Variants in ANKMY1 observed in about 807,000 individuals in gnomAD.
ANKMY1 encodes ankyrin repeat and MYND domain-containing protein 1.
Under a neutral mutation model 102.0 loss-of-function variants are expected in ANKMY1, and 98 were observed. That is an observed-to-expected ratio of 0.96 (90% confidence interval 0.82 to 1.14). ANKMY1 has a LOEUF of 1.14. Ranked by LOEUF, ANKMY1 falls within the 50% of genes most tolerant of loss-of-function variation. The pLI is 0.00. For missense variants in ANKMY1, 1,330 were observed against 1,347.6 expected (o/e 0.99, Z 0.20); for synonymous variants, 582 against 559.9 (o/e 1.04, Z -0.56).
chr2:240,501,470 G>A (rs1574981208), intron 13 of ANKMY1, among the ~76,000 whole-genome samples: 1 of 152,166 alleles, frequency 6.6e-6, no homozygotes, highest in Admixed American at 6.5e-5. Flanking sequence ...CAGGGGGCCT[G>A]GCAGGCTCAG....
chr2:240,527,130 G>A (rs1022200962), intron 5 of ANKMY1: 4 of 420,114 alleles, frequency 9.5e-6, no homozygotes, highest in African/African-American at 2.2e-5. Flanking sequence ...ATGGATGGAT[G>A]GGTGGGTGGA....
chr2:240,535,187 TTA>T (rs1360512466), intron 4 of ANKMY1, among the ~76,000 whole-genome samples: 1 of 152,232 alleles, frequency 6.6e-6, no homozygotes, highest in Admixed American at 6.5e-5. Context: ...CAGCTTGGTT[TTA>T]TATGTTTTAG....
chr2:240,494,183 G>A lies in ANKMY1; in HGVS notation c.2806+5775C>T, dbSNP rs138177316. On this transcript the variant is annotated intron_variant, in intron 15 of 17. Transcript: ENST00000401804. ...GGCACCAGCTGTTGTGAGTGGGCAT[G>A]GAGTGATCTTCAGGCAGGTGGAGTG... Among the ~76,000 whole-genome samples the A allele has an allele frequency of 1.3e-4, 20 of 152,258 alleles. 1 individual carries two copies. The East Asian group carries it at 1.4e-3, about 10-fold the overall frequency.
At chr2:240,558,036 C>A, upstream of ANKMY1, 1 of 949,028 alleles carries the variant, frequency 1.1e-6, no homozygotes, top group Non-Finnish European at 1.3e-6. Flanking sequence ...ATGCCCGCTG[C>A]CACTCTCCGG....
chr2:240,512,978 A>G (rs752623096), intron 9 of ANKMY1, 36 bp from the exon 10 acceptor site: 1 of 1,599,302 alleles, frequency 6.3e-7, no homozygotes, highest in Non-Finnish European at 8.5e-7. Context: ...AGTGAGGCAC[A>G]TTCTCGTAGG....
downstream of ANKMY1, among the ~76,000 whole-genome samples, chr2:240,477,055 A>G (rs76437173): frequency 3.3e-5 from 5 of 152,344 alleles, no homozygotes; most frequent in East Asian, 9.7e-4. Flanking sequence ...GCAGTGGCTC[A>G]CGCCTGTAAT....
intron 4 of ANKMY1, among the ~76,000 whole-genome samples, chr2:240,542,498 C>T (rs1159810535): frequency 2.0e-5 from 3 of 149,662 alleles, no homozygotes; most frequent in South Asian, 4.2e-4. Flanking sequence ...ACCGAGACTC[C>T]GTCTCAAAAA....
At chr2:240,524,516 G>T in intron 7 of ANKMY1, 135 bp from the exon 8 acceptor site, 1 of 998,108 alleles carries the variant, frequency 1.0e-6, no homozygotes, top group Non-Finnish European at 1.4e-6. Flanking sequence ...GACCAGGGCA[G>T]CTTTCCCCAA....
chr2:240,478,294 A>G (rs2074994935), downstream of ANKMY1, among the ~76,000 whole-genome samples: 1 of 152,224 alleles, frequency 6.6e-6, no homozygotes, highest in South Asian at 2.1e-4. Flanking sequence ...ATGGACTAAT[A>G]CAGTGCGGAT....
intron 15 of ANKMY1, among the ~76,000 whole-genome samples, chr2:240,483,121 G>C (rs1030036821): frequency 4.0e-5 from 6 of 151,512 alleles, no homozygotes; most frequent in African/African-American, 1.5e-4. Context: ...TCCCATGTTA[G>C]TTTTTCATCC....
intron 4 of ANKMY1, among the ~76,000 whole-genome samples, chr2:240,541,777 C>T (rs753414080): frequency 4.0e-5 from 6 of 151,770 alleles, no homozygotes; most frequent in Admixed American, 2.0e-4. Context: ...ACTGGGATTA[C>T]AGGCGTGAGC....
chr2:240,473,663 T>C, the ANKMY1 span, among the ~76,000 whole-genome samples: 1 of 152,160 alleles, frequency 6.6e-6, no homozygotes, highest in South Asian at 2.1e-4. Context: ...GGGGTAGATA[T>C]GGACAGATTC....
At chr2:240,552,752 A>G in intron 4 of ANKMY1, 162 bp downstream of exon 4, 2 of 1,109,254 alleles carry the variant, frequency 1.8e-6, no homozygotes, top group Non-Finnish European at 2.5e-6. Flanking sequence ...TTTTATTTTC[A>G]GTCTATATCC....
intron 13 of ANKMY1, among the ~76,000 whole-genome samples, chr2:240,505,634 C>T (rs539354974): frequency 6.6e-6 from 1 of 152,142 alleles, no homozygotes; most frequent in East Asian, 1.9e-4. Flanking sequence ...GAGTTGGGGG[C>T]ATGGTCAGGT....
At chr2:240,517,323 G>C (rs991279196) in intron 9 of ANKMY1, among the ~76,000 whole-genome samples, 2 of 152,188 alleles carry the variant, frequency 1.3e-5, no homozygotes, top group African/African-American at 2.4e-5. Flanking sequence ...TGTGGTAAGT[G>C]GACCGTGTCA....
rs751501149 is a variant in ANKMY1, at chr2:240,524,337, A to G, written c.1380T>C (p.Phe460=). The change falls in exon 8 of 18, where the codon TTT becomes TTC. Residue 460 remains phenylalanine, a synonymous_variant. Coordinates refer to ENST00000401804, the MANE Select transcript of ANKMY1 (RefSeq NM_001282771.3). ...FPVVPILSSS[F]MDTNLESLYY... Reference sequence around the variant, plus strand: ...ACAGAGACTCCAGGTTTGTGTCCATAAATGATGATGAAAGGATTGGAACAA... The same window carrying G: ...ACAGAGACTCCAGGTTTGTGTCCATGAATGATGATGAAAGGATTGGAACAA... 1 of 1,610,016 alleles carries G rather than the reference A, an allele frequency of 6.2e-7. No individual in the cohort carries two copies. The highest frequency in any genetic ancestry group is 8.5e-7 in the Non-Finnish European group (1 of 1,177,660).
intron 1 of ANKMY1, among the ~76,000 whole-genome samples, chr2:240,557,670 G>A (rs2092530936): frequency 6.6e-6 from 1 of 152,212 alleles, no homozygotes; most frequent in African/African-American, 2.4e-5. Flanking sequence ...AGGAGGCGCC[G>A]CTAACAGCGG....
In ANKMY1 at chr2:240,479,476, C is replaced by G. The variant is rs184449959; in HGVS notation, c.*133G>C. The G allele has an allele frequency of 6.3e-6, 7 of 1,110,684 alleles. No individual in the cohort carries two copies. Among genetic ancestry groups the G allele is most frequent in the Non-Finnish European group, 9.3e-6 (7 of 754,384 alleles). The allele number at this position is 1,110,684 out of a possible 1,614,324, so 68.8% of individuals were successfully genotyped here. ...TTATTGCGAGGTCGCAAGGGAGACACTGCTACAAAGCATGACCCCAAAGGT... is the reference window on the plus strand; with the variant it reads ...TTATTGCGAGGTCGCAAGGGAGACAGTGCTACAAAGCATGACCCCAAAGGT... On this transcript the variant is annotated 3_prime_UTR_variant, in exon 18 of 18. Transcript: ENST00000401804.
intron 4 of ANKMY1, among the ~76,000 whole-genome samples, chr2:240,542,247 C>A (rs1006238668): frequency 2.0e-5 from 3 of 151,272 alleles, no homozygotes; most frequent in Non-Finnish European, 4.4e-5. Flanking sequence ...GTGGCTCATG[C>A]CTGTAATCTC....
Sources: allele counts gnomAD v4.1 joint callset (sites outside exome capture counted in the v4.1 genomes callset), GRCh38; gene constraint gnomAD v4.1.1; transcripts MANE v1.5; gene names NCBI Gene and HGNC (gene_info 2026-07-23, HGNC 2026-07-21).